SERPINI1: variants seen among roughly 807,000 people sequenced by gnomAD.
The protein encoded by SERPINI1 is serpin family I member 1, also known as neuroserpin.
In SERPINI1, 19 loss-of-function variants were observed where a neutral mutation model predicts 41.1. The ratio of observed to expected loss-of-function variants is 0.46; its 90% CI spans 0.32 to 0.68. SERPINI1 has a LOEUF of 0.68. Ranked by LOEUF, SERPINI1 falls within the 30% of genes least tolerant of loss-of-function variation. The pLI is 0.03. For missense variants in SERPINI1, 460 were observed against 479.2 expected (o/e 0.96, Z 0.37); for synonymous variants, 138 against 156.6 (o/e 0.88, Z 0.89).
chr3:167,780,409 C>T (rs995176416), intron 1 of SERPINI1, among the ~76,000 whole-genome samples: 2 of 152,208 alleles, frequency 1.3e-5, no homozygotes, highest in African/African-American at 2.4e-5. Context: ...GATAGCTTAC[C>T]GCCTAAGCAG....
chr3:167,811,714 T>A (rs1028079675), intron 6 of SERPINI1, among the ~76,000 whole-genome samples: 1 of 152,106 alleles, frequency 6.6e-6, no homozygotes, highest in African/African-American at 2.4e-5. Context: ...TAGAAAAAAC[T>A]TTTAAAAAAT....
intron 5 of SERPINI1, among the ~76,000 whole-genome samples, chr3:167,806,250 C>T (rs191550488): frequency 3.9e-5 from 6 of 151,968 alleles, no homozygotes; most frequent in Non-Finnish European, 7.4e-5. Context: ...GATGTTCTCA[C>T]TCATAAGTAG....
chr3:167,744,677 AAT>A lies in SERPINI1; in HGVS notation c.-19+8864_-19+8865del, dbSNP rs1233744630. 4.5e-3 allele frequency among the ~76,000 whole-genome samples: 450 copies of A among 100,308 alleles called. 3 individuals carry two copies. The highest frequency in any genetic ancestry group is 0.021 in the African/African-American group (397 of 18,994). 65.8% of individuals were successfully genotyped at this position (100,308 alleles called of 152,430 possible). A position where few individuals can be genotyped will look rare whatever the true frequency, so the allele number is the denominator to read the frequency against. ...ATATAAATATAAAAATATATATATAAATATATATATAAACATATATAAATATA... is the reference window on the plus strand; with the variant it reads ...ATATAAATATAAAAATATATATATAAATATATATAAACATATATAAATATA... On this transcript the variant is annotated intron_variant, in intron 1 of 8. Transcript: ENST00000446050.
At chr3:167,770,231 A>AT (rs35049883) in intron 1 of SERPINI1, among the ~76,000 whole-genome samples, 1 of 151,770 alleles carries the variant, frequency 6.6e-6, no homozygotes, top group Admixed American at 6.6e-5. Flanking sequence ...AAAGTTCATG[A>AT]TTTTTTCCTG....
intron 1 of SERPINI1, among the ~76,000 whole-genome samples, chr3:167,773,865 A>G (rs1392147768): frequency 6.6e-6 from 1 of 152,212 alleles, no homozygotes; most frequent in Non-Finnish European, 1.5e-5. Flanking sequence ...ACCACAGTCT[A>G]TAGTCCTGAA....
At chr3:167,748,732 G>A (rs963050203) in intron 1 of SERPINI1, among the ~76,000 whole-genome samples, 2 of 148,582 alleles carry the variant, frequency 1.3e-5, no homozygotes, top group Non-Finnish European at 3.0e-5. Context: ...CAGCACACAG[G>A]TAAGACAGAG....
chr3:167,739,111 CTTTTT>C (rs79245847), intron 1 of SERPINI1, among the ~76,000 whole-genome samples: 1 of 115,608 alleles, frequency 8.6e-6, no homozygotes, highest in Non-Finnish European at 1.9e-5. Context: ...TTTGTTGTTT[CTTTTT>C]TTTTTTTTTT....
chr3:167,742,613 A>G (rs1299139167), intron 1 of SERPINI1, among the ~76,000 whole-genome samples: 1 of 152,138 alleles, frequency 6.6e-6, no homozygotes, highest in Non-Finnish European at 1.5e-5. Context: ...CTGTGCACTA[A>G]CTGGCTCATG....
intron 5 of SERPINI1, among the ~76,000 whole-genome samples, chr3:167,800,621 T>C (rs1727868272): frequency 6.6e-6 from 1 of 152,216 alleles, no homozygotes; most frequent in Non-Finnish European, 1.5e-5. Flanking sequence ...GGCTTTGTAG[T>C]CTCAGATTTG....
At chr3:167,817,461 A>G (rs1211185076) in intron 6 of SERPINI1, among the ~76,000 whole-genome samples, 1 of 152,054 alleles carries the variant, frequency 6.6e-6, no homozygotes, top group African/African-American at 2.4e-5. Context: ...CACCTAGAAA[A>G]CCATCTAGGC....
At chr3:167,778,717 G>C (rs1727032299) in intron 1 of SERPINI1, among the ~76,000 whole-genome samples, 1 of 152,198 alleles carries the variant, frequency 6.6e-6, no homozygotes, top group Non-Finnish European at 1.5e-5. Flanking sequence ...AAGCAAGCTA[G>C]AGAACAATGG....
chr3:167,820,860 AC>A (rs1435299079), intron 6 of SERPINI1, among the ~76,000 whole-genome samples: 1 of 152,148 alleles, frequency 6.6e-6, no homozygotes, highest in East Asian at 1.9e-4. Context: ...ATGAGAACTT[AC>A]GGTGCTTTTT....
chr3:167,750,734 A>G (rs1726016518), intron 1 of SERPINI1, among the ~76,000 whole-genome samples: 1 of 152,152 alleles, frequency 6.6e-6, no homozygotes, highest in Non-Finnish European at 1.5e-5. Flanking sequence ...AAAATCATAT[A>G]GGTTATTTCA....
intron 1 of SERPINI1, among the ~76,000 whole-genome samples, chr3:167,776,020 G>A (rs1401868413): frequency 2.0e-5 from 3 of 152,206 alleles, no homozygotes; most frequent in African/African-American, 7.2e-5. Context: ...GCCTTACCAG[G>A]TGTTTCCAGC....
intron 1 of SERPINI1, among the ~76,000 whole-genome samples, chr3:167,774,782 C>A (rs996496230): frequency 4.6e-5 from 7 of 152,094 alleles, no homozygotes; most frequent in Non-Finnish European, 7.4e-5. Flanking sequence ...TCCCCTCACC[C>A]CTGTCTATTG....
At chr3:167,792,176 G>A (rs537989227) in intron 3 of SERPINI1, among the ~76,000 whole-genome samples, 1 of 152,032 alleles carries the variant, frequency 6.6e-6, no homozygotes, top group African/African-American at 2.4e-5. Flanking sequence ...TTTATTGAGT[G>A]TTTACTCTGT....
At chr3:167,812,383 T>C (rs1711923753) in intron 6 of SERPINI1, among the ~76,000 whole-genome samples, 1 of 152,154 alleles carries the variant, frequency 6.6e-6, no homozygotes, top group Non-Finnish European at 1.5e-5. Context: ...TCACTCTGTG[T>C]CTCACCTGTC....
At chr3:167,801,215 A>C (rs1388880560) in intron 5 of SERPINI1, among the ~76,000 whole-genome samples, 1 of 152,210 alleles carries the variant, frequency 6.6e-6, no homozygotes, top group East Asian at 1.9e-4. Context: ...TCTCCTACCT[A>C]GGATATATTT....
intron 6 of SERPINI1, among the ~76,000 whole-genome samples, chr3:167,819,418 G>A (rs1012226401): frequency 1.3e-5 from 2 of 152,050 alleles, no homozygotes; most frequent in African/African-American, 4.8e-5. Flanking sequence ...GGATTTGAGG[G>A]AGCTAATTAT....
Sources: gnomAD v4.1 joint callset for allele counts (sites outside exome capture counted in the v4.1 genomes callset) on GRCh38, gnomAD v4.1.1 for gene constraint, MANE v1.5 for transcripts, NCBI Gene and HGNC (gene_info 2026-07-23, HGNC 2026-07-21) for gene names.